Variants in LGR5 observed in about 807,000 individuals in gnomAD.
LGR5 encodes the protein leucine rich repeat containing G protein-coupled receptor 5.
A neutral mutation model predicts 76.7 loss-of-function variants in LGR5; 54 were observed. The observed-to-expected ratio is 0.70, with a 90% CI of 0.57 to 0.88. The LOEUF (loss-of-function observed/expected upper bound fraction) is 0.88, where lower values mean the gene tolerates loss of function less well. Ranked by LOEUF, LGR5 falls within the 40% of genes least tolerant of loss-of-function variation. LGR5 has a pLI of 0.00. For missense variants in LGR5, 1,078 were observed against 1,073.3 expected (o/e 1.00, Z -0.06); for synonymous variants, 406 against 421.9 (o/e 0.96, Z 0.46).
intron 14 of LGR5, 49 bp downstream of exon 14, chr12:71,578,045 C>A: frequency 7.3e-7 from 1 of 1,368,942 alleles, no homozygotes; most frequent in Non-Finnish European, 1.0e-6. Context: ...TAATTGAGGA[C>A]CATCTAGTTA....
chr12:71,458,076 A>C (rs1872556369), intron 1 of LGR5, among the ~76,000 whole-genome samples: 1 of 152,094 alleles, frequency 6.6e-6, no homozygotes, highest in Non-Finnish European at 1.5e-5. Flanking sequence ...TGAGAAGGAA[A>C]GATTTTGAAA....
intron 1 of LGR5, among the ~76,000 whole-genome samples, chr12:71,442,058 C>T (rs1871791883): frequency 6.6e-6 from 1 of 152,172 alleles, no homozygotes; most frequent in South Asian, 2.1e-4. Flanking sequence ...TGACTGTATG[C>T]AAGGGAGGTG....
chr12:71,471,641 G>T (rs1043646037), intron 1 of LGR5, among the ~76,000 whole-genome samples: 182 of 142,662 alleles, frequency 1.3e-3, no homozygotes, highest in African/African-American at 2.6e-3. Context: ...AAGCTGTTTT[G>T]TTTTTTTTTT....
intron 11 of LGR5, among the ~76,000 whole-genome samples, chr12:71,569,977 C>T (rs551361605): frequency 1.3e-5 from 2 of 152,264 alleles, no homozygotes; most frequent in East Asian, 3.9e-4. Flanking sequence ...ACTATGCAGC[C>T]ATAAGAAGAA....
At chr12:71,468,186 T>C (rs1872937678) in intron 1 of LGR5, among the ~76,000 whole-genome samples, 1 of 152,094 alleles carries the variant, frequency 6.6e-6, no homozygotes, top group Non-Finnish European at 1.5e-5. Flanking sequence ...ACTGGGACAT[T>C]TGGAAAAATA....
chr12:71,443,656 C>A (rs1188100240), intron 1 of LGR5, among the ~76,000 whole-genome samples: 3 of 152,160 alleles, frequency 2.0e-5, no homozygotes, highest in Admixed American at 1.3e-4. Context: ...CAAATGTGGA[C>A]ATTTTTATTA....
intron 1 of LGR5, among the ~76,000 whole-genome samples, chr12:71,465,323 G>C (rs1179329072): frequency 6.6e-6 from 1 of 152,220 alleles, no homozygotes; most frequent in East Asian, 1.9e-4. Context: ...ACTCACCACA[G>C]TAAGGCGGTG....
chr12:71,503,013 T>C (rs1874681202), intron 1 of LGR5, among the ~76,000 whole-genome samples: 1 of 152,190 alleles, frequency 6.6e-6, no homozygotes, highest in African/African-American at 2.4e-5. Flanking sequence ...GTGTTACCAA[T>C]AGACATGCCC....
At chr12:71,463,643 A>G (rs1294899009) in intron 1 of LGR5, among the ~76,000 whole-genome samples, 1 of 152,130 alleles carries the variant, frequency 6.6e-6, no homozygotes, top group Non-Finnish European at 1.5e-5. Context: ...CCAAATCCCT[A>G]CTTGACTAAG....
At chr12:71,502,848 C>G (rs907004509) in intron 1 of LGR5, among the ~76,000 whole-genome samples, 1 of 152,120 alleles carries the variant, frequency 6.6e-6, no homozygotes, top group Non-Finnish European at 1.5e-5. Context: ...TATGAATCAC[C>G]TTAATATGTA....
intron 2 of LGR5, among the ~76,000 whole-genome samples, chr12:71,508,617 T>A (rs1874980799): frequency 6.6e-6 from 1 of 151,016 alleles, no homozygotes; most frequent in Admixed American, 6.6e-5. Flanking sequence ...AGCTGGGTGT[T>A]GTGGCGCGCG....
chr12:71,544,390 G>A (rs1877051022), intron 4 of LGR5, among the ~76,000 whole-genome samples: 1 of 122,246 alleles, frequency 8.2e-6, no homozygotes, highest in African/African-American at 3.1e-5. Context: ...GCCTCATTAA[G>A]TTTACCAGTA....
chr12:71,479,490 A>C (rs1045438641), intron 1 of LGR5, among the ~76,000 whole-genome samples: 1 of 152,198 alleles, frequency 6.6e-6, no homozygotes, highest in African/African-American at 2.4e-5. Context: ...TATGGCATTC[A>C]AGAAAGTAAG....
intron 1 of LGR5, among the ~76,000 whole-genome samples, chr12:71,498,313 A>G (rs1294728746): frequency 1.3e-5 from 2 of 151,532 alleles, no homozygotes; most frequent in Admixed American, 6.6e-5. Context: ...CAGTATAGCC[A>G]TTTGTCCAGG....
chr12:71,502,410 C>T lies in LGR5; in HGVS notation c.213-2204C>T, dbSNP rs146438840. Among the ~76,000 whole-genome samples, 1,324 of 152,032 alleles carry T rather than the reference C, an allele frequency of 8.7e-3. 6 individuals carry two copies. Among genetic ancestry groups the T allele is most frequent in the Non-Finnish European group, 0.014 (967 of 67,954 alleles). On this transcript the variant is annotated intron_variant, in intron 1 of 17. Transcript: ENST00000266674. ...ATGGGGTCTCACCATGTTAGCCAGG[C>T]TGGTCTCAAACTCCTGACCTCGGGT... is the stretch of plus-strand genomic sequence containing the variant.
intron 8 of LGR5, among the ~76,000 whole-genome samples, chr12:71,563,940 CGTGT>C (rs1565760608): frequency 0.63 from 75,309 of 119,746 alleles, 34,244 homozygotes; most frequent in East Asian, 0.8. Context: ...ACACACACAC[CGTGT>C]ATATATGCAT....
chr12:71,506,287 G>C lies in LGR5; in HGVS notation c.284+1602G>C, dbSNP rs190927973. 5.3e-5 allele frequency among the ~76,000 whole-genome samples: 8 copies of C among 151,778 alleles called. No individual in the cohort carries two copies. In the East Asian group the frequency reaches 1.6e-3, roughly 29 times the overall value. On this transcript the variant is annotated intron_variant, in intron 2 of 17. Coordinates refer to ENST00000266674, the MANE Select transcript of LGR5 (RefSeq NM_003667.4). ...TTTAATTCCCATATAATATCTCATG[G>C]CAAAATGCTTCCCTTCTCCCTCAAC...
intron 8 of LGR5, among the ~76,000 whole-genome samples, chr12:71,566,138 C>G (rs1878329013): frequency 6.6e-6 from 1 of 152,134 alleles, no homozygotes; most frequent in African/African-American, 2.4e-5. Context: ...AATTTACTTG[C>G]TTTTCTCCTT....
intron 1 of LGR5, among the ~76,000 whole-genome samples, chr12:71,472,068 G>A (rs1873127894): frequency 6.6e-6 from 1 of 152,060 alleles, no homozygotes; most frequent in African/African-American, 2.4e-5. Flanking sequence ...CTTGGGTAAT[G>A]GGTGCACCAA....
Sources: gnomAD v4.1 joint callset for allele counts (sites outside exome capture counted in the v4.1 genomes callset) on GRCh38, gnomAD v4.1.1 for gene constraint, MANE v1.5 for transcripts, NCBI Gene and HGNC (gene_info 2026-07-23, HGNC 2026-07-21) for gene names.